The following TEX11 variants were observed in gnomAD, a reference collection of about 807,000 sequenced individuals.
TEX11 encodes testis expressed 11, also known as testis-expressed protein 11.
In TEX11, 7 loss-of-function variants were observed where a neutral mutation model predicts 84.4. The ratio of observed to expected loss-of-function variants is 0.08; its 90% CI spans 0.05 to 0.16. TEX11 has a LOEUF of 0.16. Among genes scored for constraint, TEX11 ranks in the 10% least tolerant of loss-of-function variants. TEX11 has a pLI of 1.00. For missense variants in TEX11, 551 were observed against 660.5 expected, an observed-to-expected ratio of 0.83 and a Z score of 1.82; for synonymous variants, 264 against 222.8, an observed-to-expected ratio of 1.18 and a Z score of -1.64.
At chrX:70,662,605 C>A (rs1252353813) in intron 16 of TEX11, among the ~76,000 whole-genome samples, 1 of 111,418 alleles carries the variant, frequency 9.0e-6, no homozygotes, top group Non-Finnish European at 1.9e-5. Flanking sequence ...ATGTTAAGTG[C>A]AGCCAGAGAG....
intron 17 of TEX11, among the ~76,000 whole-genome samples, chrX:70,637,338 T>C (rs767901874): frequency 1.8e-5 from 2 of 112,723 alleles, no homozygotes; most frequent in African/African-American, 6.4e-5. Flanking sequence ...AGTTCAACCA[T>C]TGTGGAAGAC....
chrX:70,738,606 C>A (rs1021383721), intron 11 of TEX11, among the ~76,000 whole-genome samples: 9 of 111,755 alleles, frequency 8.1e-5, no homozygotes, highest in Non-Finnish European at 1.1e-4. Context: ...TGGGTATATA[C>A]CCGAAGGATT....
intron 2 of TEX11, among the ~76,000 whole-genome samples, chrX:70,895,994 T>C (rs750889484): frequency 1.8e-5 from 2 of 112,115 alleles, no homozygotes; most frequent in Admixed American, 9.5e-5. Flanking sequence ...ACCAAAGCAA[T>C]GGCAAGAAAA....
chrX:70,900,651 T>C (rs1183426827), intron 2 of TEX11, among the ~76,000 whole-genome samples: 1 of 109,602 alleles, frequency 9.1e-6, no homozygotes, highest in Non-Finnish European at 1.9e-5. Flanking sequence ...TGAAAATATA[T>C]ATATATAAAA....
intron 25 of TEX11, among the ~76,000 whole-genome samples, chrX:70,555,063 A>T (rs1396090060): frequency 2.7e-5 from 3 of 111,874 alleles, no homozygotes; most frequent in Non-Finnish European, 5.6e-5. Context: ...TTTCTCAAAC[A>T]ATTGCCACGA....
intron 7 of TEX11, among the ~76,000 whole-genome samples, chrX:70,848,484 C>T (rs999442348): frequency 3.6e-5 from 4 of 111,521 alleles, no homozygotes; most frequent in Non-Finnish European, 5.6e-5. Context: ...AATCTCCCCA[C>T]TTTTCTACAC....
chrX:70,739,081 C>T (rs1432093367), intron 11 of TEX11, among the ~76,000 whole-genome samples: 1 of 111,439 alleles, frequency 9.0e-6, no homozygotes, highest in African/African-American at 3.3e-5. Flanking sequence ...AACAAACCTG[C>T]ACATTCTGCA....
At chrX:70,666,874 G>A (rs1449010818) in intron 16 of TEX11, among the ~76,000 whole-genome samples, 2 of 111,283 alleles carry the variant, frequency 1.8e-5, no homozygotes, top group African/African-American at 6.5e-5. Flanking sequence ...AATCTTCTCA[G>A]TGAGGACTTC....
intron 2 of TEX11, among the ~76,000 whole-genome samples, chrX:70,902,732 G>T (rs1602225630): frequency 9.0e-6 from 1 of 110,625 alleles, no homozygotes; most frequent in African/African-American, 3.3e-5. Context: ...TAGAGACAGG[G>T]TTTCACCATG....
At chrX:70,589,727 T>C (rs889018696) in intron 25 of TEX11, among the ~76,000 whole-genome samples, 5 of 111,281 alleles carry the variant, frequency 4.5e-5, no homozygotes, top group Non-Finnish European at 9.4e-5. Flanking sequence ...TTCGTCATGT[T>C]GGCAGGGTGG....
At chrX:70,716,354 C>T (rs1246020357) in intron 13 of TEX11, among the ~76,000 whole-genome samples, 1 of 104,621 alleles carries the variant, frequency 9.6e-6, no homozygotes, top group Non-Finnish European at 2.0e-5. Context: ...GAAGTTTTTG[C>T]TGCCTTTTGT....
At chrX:70,711,440 T>A (rs1355895395) in intron 13 of TEX11, among the ~76,000 whole-genome samples, 1 of 109,488 alleles carries the variant, frequency 9.1e-6, no homozygotes, top group African/African-American at 3.3e-5. Context: ...CCACATCCTC[T>A]CCAGCACCTG....
At chrX:70,713,849 G>C (rs2090466741) in intron 13 of TEX11, among the ~76,000 whole-genome samples, 1 of 111,281 alleles carries the variant, frequency 9.0e-6, no homozygotes, top group African/African-American at 3.3e-5. Context: ...GCATGTGTTT[G>C]CTCTTGCTTC....
chrX:70,716,680 C>T (rs2090506241), intron 13 of TEX11, among the ~76,000 whole-genome samples: 1 of 112,072 alleles, frequency 8.9e-6, no homozygotes, highest in Non-Finnish European at 1.9e-5. Flanking sequence ...TTTCCAGGTG[C>T]CATCCATCAC....
chrX:70,876,675 C>T (rs189706059), intron 3 of TEX11, among the ~76,000 whole-genome samples: 170 of 111,653 alleles, frequency 1.5e-3, no homozygotes, highest in Non-Finnish European at 2.4e-3. Flanking sequence ...GTAATTCTAA[C>T]ACTGGGAGGC....
intron 28 of TEX11, among the ~76,000 whole-genome samples, 196 bp from the exon 29 acceptor site, chrX:70,530,195 G>C (rs2087868408): frequency 9.0e-6 from 1 of 111,492 alleles, no homozygotes; most frequent in African/African-American, 3.3e-5. Context: ...TCCATAGCAA[G>C]ATCTCATGAA....
At chrX:70,813,234 C>A (rs776810221) in intron 8 of TEX11, among the ~76,000 whole-genome samples, 192 of 111,642 alleles carry the variant, frequency 1.7e-3, no homozygotes, top group Middle Eastern at 4.6e-3. Context: ...GCAGCACATC[C>A]AAAAGCTTAT....
At chrX:70,908,592 A>G (rs767101014) in intron 1 of TEX11, 62 bp downstream of exon 1, 2 of 112,169 alleles carry the variant, frequency 1.8e-5, no homozygotes, top group South Asian at 3.7e-4. Flanking sequence ...CTAGTTATAA[A>G]CTACCCAACT....
intron 15 of TEX11, 135 bp downstream of exon 15, chrX:70,678,669 A>G (rs2090096934): frequency 2.0e-6 from 1 of 507,443 alleles, no homozygotes; most frequent in Admixed American, 3.9e-5. Context: ...CTATATTGTG[A>G]ATATTTAATA....
Sources: gnomAD v4.1 joint callset for allele counts (sites outside exome capture counted in the v4.1 genomes callset) on GRCh38, gnomAD v4.1.1 for gene constraint, MANE v1.5 for transcripts, NCBI Gene and HGNC (gene_info 2026-07-23, HGNC 2026-07-21) for gene names.